Variants in TMEM201 observed in about 807,000 individuals in gnomAD.
TMEM201 encodes RP13-15M17.2.
TMEM201 carries 26 observed loss-of-function variants against 63.4 expected under a neutral mutation model. The observed-to-expected ratio is 0.41, with a 90% CI of 0.30 to 0.57. TMEM201 has a LOEUF of 0.57. Among genes scored for constraint, TMEM201 ranks in the 20% least tolerant of loss-of-function variants. The pLI, the probability that TMEM201 is intolerant of heterozygous loss-of-function variation, is 0.29. For missense variants in TMEM201, 794 were observed against 917.7 expected (o/e 0.87, Z 1.74); for synonymous variants, 417 against 421.6 (o/e 0.99, Z 0.14).
chr1:9,610,555 C>T lies in TMEM201; in HGVS notation c.1515C>T (p.Ser505=), dbSNP rs1569962409. The T allele has an allele frequency of 6.5e-7, 1 of 1,549,610 alleles. No individual in the cohort carries two copies. Among genetic ancestry groups the T allele is most frequent in the Non-Finnish European group, 8.7e-7 (1 of 1,146,230 alleles). The stretch of plus-strand genomic sequence containing the variant: ...GCTGCCCCTCCTCCCCACTCCCTTC[C>T]CCAGCGCCTTCCGTGGCCGGCTCGG... ...SGSCPSSPLP[S]PAPSVAGSVA... Residue 505 remains serine (S), a synonymous_variant, in exon 9 of 11, where the codon TCC becomes TCT. Coordinates refer to ENST00000340381, the MANE Select transcript of TMEM201 (RefSeq NM_001130924.3). The surrounding 1 kb of genome is among the most constrained non-coding windows in gnomAD (Gnocchi z 4.9).
intron 4 of TMEM201, among the ~76,000 whole-genome samples, chr1:9,598,892 G>A (rs568553530): frequency 1.4e-4 from 21 of 151,334 alleles, no homozygotes; most frequent in Admixed American, 2.6e-4. Flanking sequence ...CTGGTGATCC[G>A]CCTGCCTTGG....
At position 9,608,633 on chromosome 1, in the gene TMEM201, T is replaced by C. The variant is rs1644280003; in HGVS notation, c.1393+844T>C. 6.6e-6 allele frequency among the ~76,000 whole-genome samples: 1 copy of C among 152,202 alleles called. No homozygotes were observed. Among genetic ancestry groups the C allele is most frequent in the Non-Finnish European group, 1.5e-5 (1 of 68,036 alleles). ...GCAGCCCTGCCCTGGGCCTGAGCAC[T>C]CCGAGTAAACTCTGTGCGCACTGAC... On this transcript the variant is annotated intron_variant, in intron 7 of 10. Coordinates refer to ENST00000340381, the MANE Select transcript of TMEM201 (RefSeq NM_001130924.3). This position sits in a 1 kb window ranked among gnomAD's most constrained non-coding sequence, Gnocchi z 4.3.
chr1:9,596,053 G>A, intron 2 of TMEM201, 43 bp downstream of exon 2: 1 of 1,598,618 alleles, frequency 6.3e-7, no homozygotes, highest in South Asian at 1.1e-5. Context: ...CGCGGGGGTG[G>A]GGATCTTGAG....
chr1:9,602,483 C>A (rs1644164981), intron 6 of TMEM201: 2 of 1,431,022 alleles, frequency 1.4e-6, no homozygotes, highest in African/African-American at 1.4e-5. Flanking sequence ...CACCACCAGC[C>A]ATCCCCGAGT....
intron 1 of TMEM201, among the ~76,000 whole-genome samples, chr1:9,591,188 G>A (rs1167139718): frequency 6.6e-6 from 1 of 152,228 alleles, no homozygotes; most frequent in East Asian, 1.9e-4. Context: ...ACTGATGGGA[G>A]CAGCTGATGG....
rs983129847 is a variant in TMEM201, at chr1:9,603,813, G to A, written c.1160+1541G>A. 16 of 985,368 alleles carry A rather than the reference G, an allele frequency of 1.6e-5. No individual in the cohort carries two copies. The highest frequency in any genetic ancestry group is 3.5e-5 in the African/African-American group (2 of 57,248). 61.0% of individuals were successfully genotyped at this position (985,368 alleles called of 1,614,324 possible). On this transcript the variant is annotated intron_variant, in intron 6 of 10. Transcript: ENST00000340381. The surrounding 1 kb of genome is among the most constrained non-coding windows in gnomAD (Gnocchi z 4.5). ...CATCGGGAGACCCTCGGGGGCTTCTGTGGCCTCTGTGCCCGATGACCTGCG... is the reference window on the plus strand; with the variant it reads ...CATCGGGAGACCCTCGGGGGCTTCTATGGCCTCTGTGCCCGATGACCTGCG...
At position 9,604,981 on chromosome 1, in the gene TMEM201, T is replaced by G; in HGVS notation, c.1161-2576T>G. The stretch of plus-strand genomic sequence containing the variant: ...GGCGTCAGGTGCCGCGTCTTTCTTC[T>G]TTTTTCTTTCTTTCAGAAGGGCTCT... On this transcript the variant is annotated intron_variant, in intron 6 of 10. Transcript: ENST00000340381. This position sits in a 1 kb window ranked among gnomAD's most constrained non-coding sequence, Gnocchi z 4.1. The G allele has an allele frequency of 4.1e-6, 4 of 985,726 alleles. No individual in the cohort carries two copies. The highest frequency in any genetic ancestry group is 4.8e-6 in the Non-Finnish European group (4 of 829,836). The allele number at this position is 985,726 out of a possible 1,614,324, so 61.1% of individuals were successfully genotyped here. A position where few individuals can be genotyped will look rare whatever the true frequency, so the allele number is the denominator to read the frequency against.
chr1:9,602,387 T>TGCCCC, intron 6 of TMEM201, 115 bp downstream of exon 6: 1 of 1,421,938 alleles, frequency 7.0e-7, no homozygotes, highest in Non-Finnish European at 9.4e-7. Context: ...GCTCACGCCC[T>TGCCCC]CCCACCCCCA....
At chr1:9,592,150 G>A (rs1643932278) in intron 1 of TMEM201, among the ~76,000 whole-genome samples, 1 of 152,258 alleles carries the variant, frequency 6.6e-6, no homozygotes, top group African/African-American at 2.4e-5. Flanking sequence ...GGAGGCCCTG[G>A]CAGTGCTAAG....
In TMEM201 at chr1:9,610,766, C is replaced by G. The variant is rs368585990; in HGVS notation, c.1726C>G (p.Pro576Ala). 299 of 1,547,964 alleles carry G rather than the reference C, an allele frequency of 1.9e-4. No homozygotes were observed. The highest frequency in any genetic ancestry group is 2.5e-4 in the Non-Finnish European group (289 of 1,145,084). The change falls in exon 9 of 11, where the codon CCC (proline) becomes GCC (alanine). Residue 576 changes from proline to alanine, a missense_variant. Pro to Ala is a conservative substitution (Grantham distance 27, BLOSUM62 -1). Transcript: ENST00000340381. The surrounding 1 kb of genome is among the most constrained non-coding windows in gnomAD (Gnocchi z 4.9). ...SLFTMEPPHVPRKPPLQDVKH... is the reference protein window; with the variant it reads ...SLFTMEPPHVARKPPLQDVKH... ...CTTCACCATGGAGCCGCCCCATGTT[C>G]CCCGGAAGCCGCCCCTGCAGGACGT...
rs1258838964 is a variant in TMEM201, at chr1:9,613,046, T to G, written c.1964T>G (p.Leu655Arg). The G allele has an allele frequency of 6.4e-7, 1 of 1,551,440 alleles. No individual in the cohort carries two copies. Among genetic ancestry groups the G allele is most frequent in the Non-Finnish European group, 8.7e-7 (1 of 1,147,008 alleles). Reference protein sequence around the residue: ...LLAVSLAANALFTSVFLYQSL... With the variant: ...LLAVSLAANARFTSVFLYQSL... ...GCCGTGAGCTTGGCCGCCAACGCCCTGTTCACCTCGGTGTTTCTGTACCAG... is the reference window on the plus strand; with the variant it reads ...GCCGTGAGCTTGGCCGCCAACGCCCGGTTCACCTCGGTGTTTCTGTACCAG... Residue 655 changes from leucine (L) to arginine (R), a missense_variant, in exon 11 of 11, where the codon CTG becomes CGG. By Grantham distance (102) the Leu-to-Arg change is moderately radical. Coordinates refer to ENST00000340381, the MANE Select transcript of TMEM201 (RefSeq NM_001130924.3).
At position 9,602,173 on chromosome 1, in the gene TMEM201, C is replaced by T; in HGVS notation, c.1061C>T (p.Thr354Met). Residue 354 changes from threonine to methionine, a missense_variant, in exon 6 of 11, where the codon ACG (threonine) becomes ATG (methionine). Transcript: ENST00000340381. ...GCCGCCTCGCCTAGCTGGCTAGACA[C>T]GCTCAAGTTCAGCACCACATCTTTG... Reference protein sequence around the residue: ...LQAASPSWLDTLKFSTTSLCC... With the variant: ...LQAASPSWLDMLKFSTTSLCC... The T allele has an allele frequency of 6.2e-6, 10 of 1,613,210 alleles. No individual in the cohort carries two copies. The highest frequency in any genetic ancestry group is 1.3e-5 in the African/African-American group (1 of 75,068).
At chr1:9,611,653 A>T in intron 9 of TMEM201, 100 bp from the exon 10 acceptor site, 1 of 1,490,588 alleles carries the variant, frequency 6.7e-7, no homozygotes, top group Non-Finnish European at 9.1e-7. Flanking sequence ...CTGGCTCACC[A>T]CTTCTGACAA....
In TMEM201 at chr1:9,598,474, T is replaced by C; in HGVS notation, c.455T>C (p.Val152Ala). The C allele has an allele frequency of 6.2e-7, 1 of 1,613,674 alleles. No homozygotes were observed. Among genetic ancestry groups the C allele is most frequent in the Non-Finnish European group, 8.5e-7 (1 of 1,179,794 alleles). The change falls in exon 4 of 11, where the codon GTG becomes GCG. Residue 152 changes from valine to alanine, a missense_variant. Coordinates refer to ENST00000340381, the MANE Select transcript of TMEM201 (RefSeq NM_001130924.3). ...EEGRYDEEVE[V>A]YRHHLEQMYK... ...GGCAGGTATGACGAGGAGGTCGAGG[T>C]GTACCGGCATCACCTGGAGCAGATG...
chr1:9,608,773 G>T lies in TMEM201; in HGVS notation c.1393+984G>T, dbSNP rs1238809467. ...GGCTCCTGCCCACAGAGAAGAACAG[G>T]CAATCTCCCTGTTAAGGCTCAAGGC... On this transcript the variant is annotated intron_variant, in intron 7 of 10. Transcript: ENST00000340381. This position sits in a 1 kb window ranked among gnomAD's most constrained non-coding sequence, Gnocchi z 4.3. Among the ~76,000 whole-genome samples, 1 of 152,212 alleles carries T rather than the reference G, an allele frequency of 6.6e-6. No homozygotes were observed. The highest frequency in any genetic ancestry group is 1.5e-5 in the Non-Finnish European group (1 of 68,032).
rs1644280225 is a variant in TMEM201 at position 9,608,645 on chromosome 1, CTG to C, written c.1393+859_1393+860del. Among the ~76,000 whole-genome samples the C allele has an allele frequency of 6.6e-6, 1 of 152,340 alleles. No individual in the cohort carries two copies. The highest frequency in any genetic ancestry group is 1.9e-4 in the East Asian group (1 of 5,178). ...TGGGCCTGAGCACTCCGAGTAAACT[CTG>C]TGCGCACTGACCAAGGTGGCAGAGC... On this transcript the variant is annotated intron_variant, in intron 7 of 10. Transcript: ENST00000340381. This position sits in a 1 kb window ranked among gnomAD's most constrained non-coding sequence, Gnocchi z 4.3.
chr1:9,612,960 G>A, intron 10 of TMEM201, 26 bp from the exon 11 acceptor site: 1 of 1,550,262 alleles, frequency 6.5e-7, no homozygotes, highest in South Asian at 1.2e-5. Flanking sequence ...CCCAAACAAT[G>A]TTCTGACCAG....
Position 9,604,193 on chromosome 1 carries a change from C to T in TMEM201, c.1160+1921C>T. On this transcript the variant is annotated intron_variant, in intron 6 of 10. Coordinates refer to ENST00000340381, the MANE Select transcript of TMEM201 (RefSeq NM_001130924.3). This position sits in a 1 kb window ranked among gnomAD's most constrained non-coding sequence, Gnocchi z 4.1. ...CAGTGTGATGCTAATGTCTGCTTTT[C>T]TTGGCGTTGGGTAGAAGCAGGACAT... 1.0e-6 allele frequency: 1 copy of T among 985,430 alleles called. No homozygotes were observed. Among genetic ancestry groups the T allele is most frequent in the Non-Finnish European group, 1.2e-6 (1 of 829,936 alleles). 61.0% of individuals were successfully genotyped at this position (985,430 alleles called of 1,614,324 possible).
rs1281848792 is a variant in TMEM201, at chr1:9,603,631, AC to A, written c.1160+1362del. ...CAGATCACAGGTGCATGAGGGTTAC[AC>A]CCGTCACCTGGGTCTGCCGGGATGG... is the stretch of plus-strand genomic sequence containing the variant. On this transcript the variant is annotated intron_variant, in intron 6 of 10. Coordinates refer to ENST00000340381, the MANE Select transcript of TMEM201 (RefSeq NM_001130924.3). The surrounding 1 kb of genome is among the most constrained non-coding windows in gnomAD (Gnocchi z 4.5). The A allele has an allele frequency of 2.0e-6, 2 of 984,700 alleles. No individual in the cohort carries two copies. Among genetic ancestry groups the A allele is most frequent in the Middle Eastern group, 5.2e-4 (1 of 1,936 alleles). 61.0% of individuals were successfully genotyped at this position (984,700 alleles called of 1,614,324 possible). A position where few individuals can be genotyped will look rare whatever the true frequency, so the allele number is the denominator to read the frequency against.
Sources: gnomAD v4.1 joint callset for allele counts (sites outside exome capture counted in the v4.1 genomes callset) on GRCh38, gnomAD v4.1.1 for gene constraint, Gnocchi (gnomAD v3.1) non-coding constraint, MANE v1.5 for transcripts, NCBI Gene and HGNC (gene_info 2026-07-23, HGNC 2026-07-21) for gene names.